The following PLEKHA6 variants were observed in gnomAD, a reference collection of about 807,000 sequenced individuals.
The protein encoded by PLEKHA6 is pleckstrin homology domain containing A6.
A neutral mutation model predicts 116.7 loss-of-function variants in PLEKHA6; 60 were observed. The ratio of observed to expected loss-of-function variants is 0.51; its 90% CI spans 0.42 to 0.64. The LOEUF (loss-of-function observed/expected upper bound fraction) is 0.64. Among genes scored for constraint, PLEKHA6 ranks in the 30% least tolerant of loss-of-function variants. PLEKHA6 has a pLI of 0.00. For missense variants in PLEKHA6, 1,338 were observed against 1,422.7 expected (o/e 0.94, Z 0.96); for synonymous variants, 489 against 556.1 (o/e 0.88, Z 1.70).
At chr1:204,240,403 G>A (rs778843413) in intron 17 of PLEKHA6, among the ~76,000 whole-genome samples, 17 of 152,218 alleles carry the variant, frequency 1.1e-4, no homozygotes, top group Non-Finnish European at 1.6e-4. Flanking sequence ...CTATGACCAC[G>A]TGACCAGCTG....
At chr1:204,255,218 T>A (rs1402196431) in intron 9 of PLEKHA6, among the ~76,000 whole-genome samples, 1 of 152,102 alleles carries the variant, frequency 6.6e-6, no homozygotes, top group African/African-American at 2.4e-5. Context: ...CTGTAAAATA[T>A]GATAAGATGA....
chr1:204,363,174 G>A (rs1444788259), upstream of PLEKHA6, among the ~76,000 whole-genome samples: 1 of 152,194 alleles, frequency 6.6e-6, no homozygotes, highest in Non-Finnish European at 1.5e-5. Flanking sequence ...CCGGGGTCTC[G>A]CAGTTCGGGT....
upstream of PLEKHA6, among the ~76,000 whole-genome samples, chr1:204,362,564 G>A (rs1032031820): frequency 2.6e-5 from 4 of 152,230 alleles, no homozygotes; most frequent in African/African-American, 7.2e-5. Context: ...TCTCTTCCTC[G>A]CAGAACATGC....
chr1:204,301,460 A>G, intron 1 of PLEKHA6: 3 of 985,452 alleles, frequency 3.0e-6, no homozygotes, highest in Non-Finnish European at 3.6e-6. Flanking sequence ...GTTGGACTTC[A>G]GGTATAGACA....
In PLEKHA6 at chr1:204,293,962, T is replaced by C. The variant is rs372716192; in HGVS notation, c.-94-19153A>G. 7.9e-5 allele frequency among the ~76,000 whole-genome samples: 12 copies of C among 152,374 alleles called. 2 individuals are homozygous for C. Among genetic ancestry groups the C allele is most frequent in the African/African-American group, 2.9e-4 (12 of 41,586 alleles). ...CATTATTAGGACAACTGGTGAAATT[T>C]CAATATGGACTGTATATTAGATAAT... On this transcript the variant is annotated intron_variant, in intron 1 of 22. Transcript: ENST00000272203.
chr1:204,351,872 A>C (rs2103365726), intron 1 of PLEKHA6, among the ~76,000 whole-genome samples: 1 of 152,292 alleles, frequency 6.6e-6, no homozygotes, highest in South Asian at 2.1e-4. Context: ...TAAGTTATTA[A>C]GTTTCACCAT....
chr1:204,348,576 G>A (rs1043164884), intron 1 of PLEKHA6, among the ~76,000 whole-genome samples: 3 of 152,080 alleles, frequency 2.0e-5, no homozygotes, highest in East Asian at 3.9e-4. Flanking sequence ...TCCTTCATTC[G>A]CTCCTGCTTC....
intron 1 of PLEKHA6, among the ~76,000 whole-genome samples, chr1:204,297,621 G>GT (rs1553272142): frequency 6.6e-6 from 1 of 151,588 alleles, no homozygotes; most frequent in Non-Finnish European, 1.5e-5. Context: ...AACAGGGGGG[G>GT]TGGGTAACAG....
rs546058251 is a variant in PLEKHA6 at position 204,297,158 on chromosome 1, C to A, written c.-94-22349G>T. ...TGGAGAAAGTCACTAACTAACATATCCTTCTTCCTAGAAAGAAAAATCTCC... is the reference window on the plus strand; with the variant it reads ...TGGAGAAAGTCACTAACTAACATATACTTCTTCCTAGAAAGAAAAATCTCC... On this transcript the variant is annotated intron_variant, in intron 1 of 22. Coordinates refer to ENST00000272203, the MANE Select transcript of PLEKHA6 (RefSeq NM_014935.5). 2.9e-5 allele frequency: 28 copies of A among 980,994 alleles called. No homozygotes were observed. In the Admixed American group the frequency reaches 1.5e-3, roughly 54 times the overall value. The allele number at this position is 980,994 out of a possible 1,614,324, so 60.8% of individuals were successfully genotyped here.
At chr1:204,245,860 A>T (rs1288393307) in intron 13 of PLEKHA6, 134 bp from the exon 14 acceptor site, 2 of 600,078 alleles carry the variant, frequency 3.3e-6, no homozygotes, top group African/African-American at 1.8e-5. Context: ...ACACACACAC[A>T]CACACACACA....
At chr1:204,359,669 A>G (rs940870402) in intron 1 of PLEKHA6, 25 bp downstream of exon 1, 1 of 982,560 alleles carries the variant, frequency 1.0e-6, no homozygotes, top group Non-Finnish European at 1.2e-6. Flanking sequence ...CACCTCATCT[A>G]TGTGATGCAT....
At chr1:204,243,930 C>T (rs6701674) in intron 15 of PLEKHA6, among the ~76,000 whole-genome samples, 51,095 of 151,922 alleles carry the variant, frequency 0.34, 9,034 homozygotes, top group East Asian at 0.5. Context: ...ACGCCATTCT[C>T]CTGGCTCAGC....
rs115544482 is a variant in PLEKHA6, at chr1:204,349,012, C to G, written c.-95+10682G>C. 9.0e-3 allele frequency among the ~76,000 whole-genome samples: 1,365 copies of G among 152,280 alleles called. 20 individuals carry two copies. The highest frequency in any genetic ancestry group is 0.03 in the African/African-American group (1,235 of 41,544). On this transcript the variant is annotated intron_variant, in intron 1 of 22. Transcript: ENST00000272203. ...CTTCAGCCCACGCAGCTAGCCCCACCCATCCTTCCCGGCTGACTCCCCTCA... is the reference window on the plus strand; with the variant it reads ...CTTCAGCCCACGCAGCTAGCCCCACGCATCCTTCCCGGCTGACTCCCCTCA...
intron 1 of PLEKHA6, among the ~76,000 whole-genome samples, chr1:204,305,096 G>A (rs563692139): frequency 3.1e-4 from 47 of 152,276 alleles, no homozygotes; most frequent in African/African-American, 1.0e-3. Flanking sequence ...CCTCTGGTGC[G>A]TGGTAGAGAG....
chr1:204,256,810 C>G, intron 9 of PLEKHA6: 1 of 647,764 alleles, frequency 1.5e-6, no homozygotes, highest in Non-Finnish European at 2.8e-6. Context: ...ACCATCTTAT[C>G]GTGGACCGTG....
chr1:204,307,639 C>T (rs900643722), intron 1 of PLEKHA6, among the ~76,000 whole-genome samples: 1 of 152,238 alleles, frequency 6.6e-6, no homozygotes, highest in African/African-American at 2.4e-5. Flanking sequence ...CTCACACCCC[C>T]AGTTCCTCGG....
intron 1 of PLEKHA6, among the ~76,000 whole-genome samples, chr1:204,301,706 G>A (rs1670839508): frequency 6.6e-6 from 1 of 152,154 alleles, no homozygotes; most frequent in Non-Finnish European, 1.5e-5. Flanking sequence ...ACATTAGGGT[G>A]AGAAACAAAC....
intron 1 of PLEKHA6, among the ~76,000 whole-genome samples, chr1:204,344,081 G>A (rs1343926971): frequency 6.6e-6 from 1 of 152,144 alleles, no homozygotes; most frequent in Admixed American, 6.5e-5. Flanking sequence ...TTAAGCCCAG[G>A]AGTTTGAGAC....
rs1185777730 is a variant in PLEKHA6, at chr1:204,257,383, A to G, written c.1494T>C (p.Tyr498=). ...SEDIYADPAA[Y]VMRRSISSPK... is the part of the protein sequence containing the mutation. ...GGGAGCTGATGGATCGCCTCATCAC[A>G]TAGGCAGCAGGGTCAGCATAGATGT... Residue 498 remains tyrosine (Y), a synonymous_variant, in exon 9 of 23, where the codon TAT becomes TAC. Transcript: ENST00000272203. The surrounding 1 kb of genome is among the most constrained non-coding windows in gnomAD (Gnocchi z 6.5). 7.7e-6 allele frequency: 12 copies of G among 1,563,598 alleles called. No individual in the cohort carries two copies. Among genetic ancestry groups the G allele is most frequent in the Non-Finnish European group, 1.0e-5 (12 of 1,153,526 alleles).
Sources: allele counts gnomAD v4.1 joint callset (sites outside exome capture counted in the v4.1 genomes callset), GRCh38; gene constraint gnomAD v4.1.1; non-coding constraint Gnocchi (gnomAD v3.1); transcripts MANE v1.5; gene names NCBI Gene and HGNC (gene_info 2026-07-23, HGNC 2026-07-21).